The following NECAP2 variants were observed in gnomAD, a reference collection of about 807,000 sequenced individuals.
The protein encoded by NECAP2 is adaptin ear-binding coat-associated protein 2.
In NECAP2, 38 loss-of-function variants were observed where a neutral mutation model predicts 37.8. That is an observed-to-expected ratio of 1.01 (90% confidence interval 0.78 to 1.32). The LOEUF (loss-of-function observed/expected upper bound fraction) is 1.32. NECAP2 is among the 40% of genes most tolerant of loss of function. The pLI is 0.00. For synonymous variants in NECAP2, 121 were observed against 127.7 expected, an observed-to-expected ratio of 0.95 and a Z score of 0.35; for missense variants, 316 against 334.5, an observed-to-expected ratio of 0.94 and a Z score of 0.43.
At chr1:16,445,947 G>T (rs564381354) in intron 2 of NECAP2, among the ~76,000 whole-genome samples, 3 of 152,016 alleles carry the variant, frequency 2.0e-5, no homozygotes, top group Non-Finnish European at 2.9e-5. Flanking sequence ...GTGGCTCACC[G>T]CCTGTAATCC....
intron 7 of NECAP2, among the ~76,000 whole-genome samples, chr1:16,458,429 CTG>C (rs1413080858): frequency 6.6e-6 from 1 of 151,934 alleles, no homozygotes; most frequent in Non-Finnish European, 1.5e-5. Flanking sequence ...TGGCAAAACC[CTG>C]TGTCTACTAA....
intron 6 of NECAP2, among the ~76,000 whole-genome samples, chr1:16,454,042 ATATT>A (rs985145785): frequency 3.3e-5 from 5 of 151,964 alleles, no homozygotes; most frequent in Non-Finnish European, 5.9e-5. Flanking sequence ...TAGCTTTGTG[ATATT>A]TATTTATTTA....
chr1:16,442,568 G>A (rs768906160), intron 1 of NECAP2, among the ~76,000 whole-genome samples: 3 of 152,166 alleles, frequency 2.0e-5, no homozygotes, highest in Admixed American at 6.5e-5. Flanking sequence ...AAACACCTGC[G>A]GTTCTTGCTA....
chr1:16,454,841 A>C (rs1398883324), intron 6 of NECAP2, among the ~76,000 whole-genome samples: 1 of 152,200 alleles, frequency 6.6e-6, no homozygotes, highest in African/African-American at 2.4e-5. Context: ...TCATTTTATT[A>C]ATATCGTTAT....
intron 2 of NECAP2, among the ~76,000 whole-genome samples, chr1:16,447,198 A>G (rs1489062218): frequency 6.6e-6 from 1 of 152,188 alleles, no homozygotes; most frequent in Non-Finnish European, 1.5e-5. Context: ...ACTAAAAGCA[A>G]CAACAGACGT....
Position 16,448,090 on chromosome 1 carries a change from G to A in NECAP2, c.329G>A (p.Gly110Glu). The change falls in exon 4 of 8, where the codon GGG (glycine) becomes GAG (glutamate). Residue 110 changes from glycine (G) to glutamate (E), a missense_variant. By Grantham distance (98) the Gly-to-Glu change is moderately conservative. This residue lies in a region of NECAP2 where 204 missense variants were observed against 188.6 expected (regional missense o/e 1.08). Coordinates refer to ENST00000337132, the MANE Select transcript of NECAP2 (RefSeq NM_018090.5). ...CGGGCGTTTATTGGAATTGGCTTCGGGGACCGAGGTGATGCCTTTGACTTC... is the reference window on the plus strand; with the variant it reads ...CGGGCGTTTATTGGAATTGGCTTCGAGGACCGAGGTGATGCCTTTGACTTC... ...GRRAFIGIGFGDRGDAFDFNV... is the reference protein window; with the variant it reads ...GRRAFIGIGFEDRGDAFDFNV... The A allele has an allele frequency of 1.2e-6, 2 of 1,614,172 alleles. No homozygotes were observed. Among genetic ancestry groups the A allele is most frequent in the Non-Finnish European group, 1.7e-6 (2 of 1,180,032 alleles).
intron 4 of NECAP2, 71 bp from the exon 5 acceptor site, chr1:16,449,022 G>T: frequency 1.0e-6 from 1 of 985,900 alleles, no homozygotes. Context: ...AGGCAGTAGT[G>T]AAGTGAGCCA....
rs758454973 is a variant in NECAP2, at chr1:16,458,834, CT to C, written c.744-5del. The C allele has an allele frequency of 9.3e-6, 15 of 1,613,318 alleles. No individual in the cohort carries two copies. Among genetic ancestry groups the C allele is most frequent in the Non-Finnish European group, 1.3e-5 (15 of 1,179,830 alleles). On this transcript the variant is annotated splice_region_variant and splice_polypyrimidine_tract_variant and intron_variant, in intron 7 of 7. Transcript: ENST00000337132. The stretch of plus-strand genomic sequence containing the variant: ...ACTCCCCCACCCTTCCCTGTCTTCT[CT>C]TTACAGATCAACTTCCAGCCAGACC...
intron 2 of NECAP2, among the ~76,000 whole-genome samples, chr1:16,446,308 T>C (rs2086761254): frequency 6.6e-6 from 1 of 152,196 alleles, no homozygotes. Context: ...GACTCACGCT[T>C]ATAATCCCAG....
Position 16,451,889 on chromosome 1 carries a change from A to G in NECAP2, c.541A>G (p.Ser181Gly). The part of the protein sequence containing the change: ...AAGNPRVRPA[S>G]TGGLSLLPPP... ...TGGGAATCCCCGAGTCCGGCCTGCCAGCACAGGAGGGCTGAGCCTGCTTCC... is the reference window on the plus strand; with the variant it reads ...TGGGAATCCCCGAGTCCGGCCTGCCGGCACAGGAGGGCTGAGCCTGCTTCC... The change falls in exon 6 of 8, where the codon AGC (serine) becomes GGC (glycine). Residue 181 changes from serine (S) to glycine (G), a missense_variant. This residue lies in a region of NECAP2 where 204 missense variants were observed against 188.6 expected (regional missense o/e 1.08). Transcript: ENST00000337132. 1.9e-6 allele frequency: 3 copies of G among 1,614,162 alleles called. No homozygotes were observed. Among genetic ancestry groups the G allele is most frequent in the South Asian group, 2.2e-5 (2 of 91,086 alleles).
rs750247106 is a variant in NECAP2 at position 16,440,741 on chromosome 1, C to A, written c.-21C>A. The A allele has an allele frequency of 3.1e-6, 5 of 1,609,434 alleles. No homozygotes were observed. In the South Asian group the frequency reaches 5.5e-5, roughly 18 times the overall value. Reference sequence around the variant, plus strand: ...GGAACGGTGGAAGTCGCCGGAAGTTCGGTGGGCTCCAGGCGTCGCGATGGA... The same window carrying A: ...GGAACGGTGGAAGTCGCCGGAAGTTAGGTGGGCTCCAGGCGTCGCGATGGA... On this transcript the variant is annotated 5_prime_UTR_variant, in exon 1 of 8. Coordinates refer to ENST00000337132, the MANE Select transcript of NECAP2 (RefSeq NM_018090.5).
At chr1:16,458,125 A>G (rs1251236492) in intron 7 of NECAP2, among the ~76,000 whole-genome samples, 1 of 152,216 alleles carries the variant, frequency 6.6e-6, no homozygotes, top group Non-Finnish European at 1.5e-5. Context: ...TCATTTGAGG[A>G]GTCTGATTTT....
intron 1 of NECAP2, among the ~76,000 whole-genome samples, chr1:16,441,872 T>C (rs963547216): frequency 2.0e-5 from 3 of 152,196 alleles, no homozygotes; most frequent in Admixed American, 1.3e-4. Flanking sequence ...TTTAAAATAG[T>C]ATAAAAACAA....
chr1:16,443,655 A>G lies in NECAP2; in HGVS notation c.116A>G (p.Gln39Arg). 6.2e-7 allele frequency: 1 copy of G among 1,612,084 alleles called. No individual in the cohort carries two copies. The highest frequency in any genetic ancestry group is 8.5e-7 in the Non-Finnish European group (1 of 1,179,648). The part of the protein sequence containing the change: ...GYRAAEWQLD[Q>R]PSWSGRLRIT... ...AGGGCTGCGGAGTGGCAGCTGGACC[A>G]GCCATCATGGAGTGGCCGGCTGAGG... Residue 39 changes from glutamine (Q) to arginine (R), a missense_variant, in exon 2 of 8, where the codon CAG (glutamine) becomes CGG (arginine). Gln to Arg is a conservative substitution (Grantham distance 43, BLOSUM62 1). Around this residue, in one of 3 missense-constraint regions of NECAP2, gnomAD observed 81 missense variants for 124.2 expected, o/e 0.65. Coordinates refer to ENST00000337132, the MANE Select transcript of NECAP2 (RefSeq NM_018090.5).
At position 16,443,000 on chromosome 1, in the gene NECAP2, C is replaced by G. The variant is rs538225641; in HGVS notation, c.93-632C>G. Among the ~76,000 whole-genome samples, 3 of 152,360 alleles carry G rather than the reference C, an allele frequency of 2.0e-5. No individual in the cohort carries two copies. In the East Asian group the frequency reaches 5.8e-4, roughly 29 times the overall value. ...TCTTCCTAAGGACCCATTCACTTTT[C>G]TCACATGTACTGTTGTTCTCCTTTT... is the stretch of plus-strand genomic sequence containing the variant. On this transcript the variant is annotated intron_variant, in intron 1 of 7. Coordinates refer to ENST00000337132, the MANE Select transcript of NECAP2 (RefSeq NM_018090.5).
rs1408976695 is a variant in NECAP2 at position 16,440,799 on chromosome 1, A to G, written c.38A>G (p.Lys13Arg). Residue 13 changes from lysine (K) to arginine (R), a missense_variant, in exon 1 of 8, where the codon AAG (lysine) becomes AGG (arginine). By Grantham distance (26) the Lys-to-Arg change is conservative. Coordinates refer to ENST00000337132, the MANE Select transcript of NECAP2 (RefSeq NM_018090.5). Reference protein sequence around the residue: ...ESGYESVLCVKPDVHVYRIPP... With the variant: ...ESGYESVLCVRPDVHVYRIPP... Reference sequence around the variant, plus strand: ...GGGTACGAGTCGGTGCTCTGTGTCAAGCCTGACGTCCACGTCTACCGCATC... The same window carrying G: ...GGGTACGAGTCGGTGCTCTGTGTCAGGCCTGACGTCCACGTCTACCGCATC... 1.9e-6 allele frequency: 3 copies of G among 1,614,090 alleles called. No individual in the cohort carries two copies. The highest frequency in any genetic ancestry group is 3.3e-5 in the Admixed American group (2 of 60,008).
chr1:16,452,056 GCTC>G (rs1473381917), intron 6 of NECAP2, 41 bp downstream of exon 6: 3 of 1,513,472 alleles, frequency 2.0e-6, no homozygotes, highest in African/African-American at 1.4e-5. Flanking sequence ...GTACCTGCCG[GCTC>G]CTCTTCTCCC....
rs958111720 is a variant in NECAP2, at chr1:16,460,043, A to G, written c.*1153A>G. The G allele has an allele frequency of 2.0e-5, 3 of 152,150 alleles. No homozygotes were observed. The highest frequency in any genetic ancestry group is 7.2e-5 in the African/African-American group (3 of 41,440). 9.4% of individuals were successfully genotyped at this position (152,150 alleles called of 1,614,324 possible). A position where few individuals can be genotyped will look rare whatever the true frequency, so the allele number is the denominator to read the frequency against. ...AGTGTTGGCCTTTTTGCGGGACCAG[A>G]TTTTTAAGATAAAATAAATATTTTT... On this transcript the variant is annotated 3_prime_UTR_variant, in exon 8 of 8. Transcript: ENST00000337132.
intron 6 of NECAP2, 91 bp from the exon 7 acceptor site, chr1:16,455,727 T>G (rs1230877052): frequency 3.9e-6 from 4 of 1,013,902 alleles, no homozygotes; most frequent in Non-Finnish European, 6.2e-6. Context: ...TCACTGAGTC[T>G]CATGATTTGG....
Sources: allele counts gnomAD v4.1 joint callset (sites outside exome capture counted in the v4.1 genomes callset), GRCh38; gene constraint gnomAD v4.1.1; regional missense constraint gnomAD v4.1.1; transcripts MANE v1.5; gene names NCBI Gene and HGNC (gene_info 2026-07-23, HGNC 2026-07-21).